The following DNAH6 variants were observed in gnomAD, a reference collection of about 807,000 sequenced individuals.
The protein encoded by DNAH6 is axonemal beta dynein heavy chain 6.
In DNAH6, 340 loss-of-function variants were observed where a neutral mutation model predicts 491.4. The ratio of observed to expected loss-of-function variants is 0.69; its 90% CI spans 0.63 to 0.76. The LOEUF is 0.76. Ranked by LOEUF, DNAH6 falls within the 30% of genes least tolerant of loss-of-function variation. The pLI is 0.00. For synonymous variants in DNAH6, 1,603 were observed against 1,686.1 expected (o/e 0.95, Z 1.21); for missense variants, 4,443 against 4,972.2 (o/e 0.89, Z 3.20).
In DNAH6 at chr2:84,705,697, C is replaced by G. The variant is rs552500475; in HGVS notation, c.8677C>G (p.Arg2893Gly). Residue 2893 changes from arginine (R) to glycine (G), a missense_variant, in exon 52 of 77, where the codon CGA (arginine) becomes GGA (glycine). This residue lies in a region of DNAH6 where 1,463 missense variants were observed against 1,656.6 expected (regional missense o/e 0.88). Coordinates refer to ENST00000389394, the MANE Select transcript of DNAH6 (RefSeq NM_001370.2). ...GGTAAGAGCTATGGATTTGTACTCT[C>G]GAGTGGTCAAGGTCGTCGAACCAAA... ...MWVRAMDLYS[R>G]VVKVVEPKRQ... The G allele has an allele frequency of 6.4e-7, 1 of 1,551,516 alleles. No homozygotes were observed. Among genetic ancestry groups the G allele is most frequent in the Non-Finnish European group, 8.7e-7 (1 of 1,147,004 alleles).
intron 62 of DNAH6, among the ~76,000 whole-genome samples, chr2:84,742,393 T>C (rs185433646): frequency 2.5e-4 from 38 of 152,348 alleles, no homozygotes; most frequent in African/African-American, 9.1e-4. Flanking sequence ...TATTGATTTA[T>C]TTAAGTTCTT....
At chr2:84,728,425 A>G (rs1698840673) in intron 61 of DNAH6, among the ~76,000 whole-genome samples, 1 of 152,238 alleles carries the variant, frequency 6.6e-6, no homozygotes, top group South Asian at 2.1e-4. Context: ...CAGGAGGCCC[A>G]TGTTATAACT....
chr2:84,556,265 G>A (rs1680012603), intron 10 of DNAH6, among the ~76,000 whole-genome samples: 1 of 152,158 alleles, frequency 6.6e-6, no homozygotes, highest in African/African-American at 2.4e-5. Flanking sequence ...TATCCTCTGG[G>A]TAGTACCCGG....
At chr2:84,758,386 A>T (rs1486231746) in intron 63 of DNAH6, among the ~76,000 whole-genome samples, 1 of 152,224 alleles carries the variant, frequency 6.6e-6, no homozygotes, top group African/African-American at 2.4e-5. Flanking sequence ...GTTGTTCCAA[A>T]AATAGAGAAG....
intron 59 of DNAH6, among the ~76,000 whole-genome samples, chr2:84,720,286 T>C (rs1239896412): frequency 7.6e-6 from 1 of 131,464 alleles, no homozygotes; most frequent in East Asian, 2.2e-4. Context: ...TTTTTTTTTT[T>C]TTTTTTTTTT....
the DNAH6 span, among the ~76,000 whole-genome samples, chr2:84,461,202 T>C: frequency 1.3e-5 from 2 of 152,216 alleles, no homozygotes; most frequent in Non-Finnish European, 2.9e-5. Context: ...CTTATGTCTT[T>C]AGATAAATGC....
chr2:84,745,789 A>G (rs1051275149), intron 63 of DNAH6, among the ~76,000 whole-genome samples: 1 of 152,110 alleles, frequency 6.6e-6, no homozygotes, highest in African/African-American at 2.4e-5. Context: ...GTGTGCCATT[A>G]GAGTACCGTG....
chr2:84,813,775 G>C (rs1680228439), intron 74 of DNAH6, among the ~76,000 whole-genome samples, 196 bp from the exon 75 acceptor site: 2 of 152,026 alleles, frequency 1.3e-5, no homozygotes, highest in Non-Finnish European at 2.9e-5. Flanking sequence ...TCCATCCCTT[G>C]GGCCCTTACC....
At chr2:84,781,898 A>T (rs1676735331) in intron 65 of DNAH6, among the ~76,000 whole-genome samples, 2 of 152,188 alleles carry the variant, frequency 1.3e-5, no homozygotes, top group Admixed American at 1.3e-4. Flanking sequence ...CTTCTATGAG[A>T]GGTCATTTGA....
intron 45 of DNAH6, among the ~76,000 whole-genome samples, chr2:84,692,417 GTAGATAGATAGA>G (rs3029918): frequency 0.33 from 48,163 of 144,664 alleles, 8,025 homozygotes; most frequent in Non-Finnish European, 0.35. Flanking sequence ...TATAAATAAG[GTAGATAGATAGA>G]TAGATAGATA....
intron 3 of DNAH6, among the ~76,000 whole-genome samples, chr2:84,525,964 CT>C: frequency 6.6e-6 from 1 of 152,204 alleles, no homozygotes; most frequent in Non-Finnish European, 1.5e-5. Context: ...TTCTGACCTT[CT>C]TTTGTATGAT....
In DNAH6 at chr2:84,813,970, G is replaced by A; in HGVS notation, c.11999-1G>A. ...CAGCTTTCCGATTTTCACAATTACA[G>A]GAACTCTTCAAAATCATGCTCGAAA... On this transcript the variant is annotated splice_acceptor_variant, in intron 74 of 76. Coordinates refer to ENST00000389394, the MANE Select transcript of DNAH6 (RefSeq NM_001370.2). LOFTEE classifies it high-confidence loss of function. The A allele has an allele frequency of 6.4e-7, 1 of 1,551,634 alleles. No individual in the cohort carries two copies. The highest frequency in any genetic ancestry group is 8.7e-7 in the Non-Finnish European group (1 of 1,146,930).
intron 33 of DNAH6, among the ~76,000 whole-genome samples, chr2:84,650,309 G>A (rs574586000): frequency 1.3e-5 from 2 of 151,982 alleles, no homozygotes; most frequent in African/African-American, 2.4e-5. Flanking sequence ...ATTTCCACAG[G>A]TCCCCAAGAG....
At chr2:84,641,592 G>T (rs1239862211) in intron 32 of DNAH6, among the ~76,000 whole-genome samples, 1 of 152,154 alleles carries the variant, frequency 6.6e-6, no homozygotes, top group Non-Finnish European at 1.5e-5. Flanking sequence ...GTTTCGCAGG[G>T]GAAATAAGAG....
At chr2:84,561,124 G>GT (rs1680625401) in intron 11 of DNAH6, among the ~76,000 whole-genome samples, 1 of 152,056 alleles carries the variant, frequency 6.6e-6, no homozygotes, top group South Asian at 2.1e-4. Flanking sequence ...AGCACCTGTT[G>GT]TTTCCTGACT....
At chr2:84,649,124 C>T (rs1380708622) in intron 33 of DNAH6, among the ~76,000 whole-genome samples, 1 of 152,128 alleles carries the variant, frequency 6.6e-6, no homozygotes. Context: ...AAGGTATGTA[C>T]ATTTTTTAGA....
intron 52 of DNAH6, among the ~76,000 whole-genome samples, chr2:84,706,456 A>G (rs1416346108): frequency 6.6e-6 from 1 of 152,228 alleles, no homozygotes; most frequent in East Asian, 1.9e-4. Flanking sequence ...TAAAAATGTA[A>G]AAACCATTCT....
Position 84,621,488 on chromosome 2 carries a change from T to C in DNAH6, c.4008T>C (p.Cys1336=). 6.5e-7 allele frequency: 1 copy of C among 1,538,302 alleles called. No individual in the cohort carries two copies. Among genetic ancestry groups the C allele is most frequent in the East Asian group, 2.5e-5 (1 of 40,504 alleles). The part of the protein sequence containing the change: ...QIMWCRDLTE[C]LETEHSNHIQ... ...TGTGGTGCCGTGATTTGACTGAATG[T>C]CTGGAAACAGAACACAGTAATCATA... The change falls in exon 26 of 77, where the codon TGT becomes TGC. Residue 1336 remains cysteine (C), a synonymous_variant. Transcript: ENST00000389394.
the DNAH6 span, among the ~76,000 whole-genome samples, chr2:84,472,744 C>A: frequency 1.3e-5 from 2 of 152,126 alleles, no homozygotes; most frequent in Non-Finnish European, 2.9e-5. Flanking sequence ...CCAATGCATC[C>A]GCCCTTTGAT....
Sources: allele counts gnomAD v4.1 joint callset (sites outside exome capture counted in the v4.1 genomes callset), GRCh38; gene constraint gnomAD v4.1.1; regional missense constraint gnomAD v4.1.1; transcripts MANE v1.5; gene names NCBI Gene and HGNC (gene_info 2026-07-23, HGNC 2026-07-21).